HPSE2: variants seen among roughly 807,000 people sequenced by gnomAD.
HPSE2 encodes the protein heparanase 2 (inactive), also known as inactive heparanase-2.
In HPSE2, 38 loss-of-function variants were observed where a neutral mutation model predicts 60.5. The observed-to-expected ratio is 0.63, with a 90% confidence interval of 0.48 to 0.82. HPSE2 has a LOEUF of 0.82. Among genes scored for constraint, HPSE2 ranks in the 40% least tolerant of loss-of-function variants. HPSE2 has a pLI of 0.00. For synonymous variants in HPSE2, 295 were observed against 293.2 expected (o/e 1.01, Z -0.06); for missense variants, 713 against 740.4 (o/e 0.96, Z 0.43).
chr10:99,004,386 G>A (rs1404082837), intron 3 of HPSE2, among the ~76,000 whole-genome samples: 1 of 151,526 alleles, frequency 6.6e-6, no homozygotes, highest in African/African-American at 2.4e-5. Flanking sequence ...TTCTCTAGAA[G>A]TATGCTTTAC....
chr10:98,616,046 T>C (rs1477628404), intron 8 of HPSE2, among the ~76,000 whole-genome samples: 1 of 152,184 alleles, frequency 6.6e-6, no homozygotes, highest in Admixed American at 6.5e-5. Flanking sequence ...CAAGTCCTTA[T>C]ACATGTTTTA....
intron 2 of HPSE2, among the ~76,000 whole-genome samples, chr10:99,218,043 G>T (rs1367485753): frequency 6.6e-6 from 1 of 152,010 alleles, no homozygotes. Context: ...AAAGCTCTTG[G>T]TCCAGTACTT....
chr10:98,595,061 T>G (rs1248858972), intron 9 of HPSE2, among the ~76,000 whole-genome samples: 1 of 152,196 alleles, frequency 6.6e-6, no homozygotes, highest in Non-Finnish European at 1.5e-5. Flanking sequence ...ATTTGTGTCT[T>G]CTTCAATTTT....
At chr10:99,236,188 G>T (rs905413596), upstream of HPSE2, among the ~76,000 whole-genome samples, 1 of 151,662 alleles carries the variant, frequency 6.6e-6, no homozygotes, top group Non-Finnish European at 1.5e-5. Flanking sequence ...GGAGCAGGCG[G>T]GAAGGAGGAG....
rs561376611 is a variant in HPSE2, at chr10:98,603,450, T to G, written c.1320+11454A>C. Reference sequence around the variant, plus strand: ...CACTCTGTTTTTTTGTTTTTTTTTTTGACAGAGTCTTGCTCTGTCGCCAGG... The same window carrying G: ...CACTCTGTTTTTTTGTTTTTTTTTTGGACAGAGTCTTGCTCTGTCGCCAGG... On this transcript the variant is annotated intron_variant, in intron 9 of 11. Transcript: ENST00000370552. 6.5e-4 allele frequency among the ~76,000 whole-genome samples: 99 copies of G among 151,252 alleles called. 1 individual carries two copies. Among genetic ancestry groups the G allele is most frequent in the African/African-American group, 2.3e-3 (96 of 41,312 alleles).
chr10:98,842,788 C>G (rs7082605), intron 3 of HPSE2, among the ~76,000 whole-genome samples: 21,578 of 152,154 alleles, frequency 0.14, 2,154 homozygotes, highest in African/African-American at 0.27. Context: ...TAATGACATG[C>G]ATCTACTATT....
At chr10:99,060,112 C>T (rs188513205) in intron 3 of HPSE2, among the ~76,000 whole-genome samples, 21 of 151,376 alleles carry the variant, frequency 1.4e-4, no homozygotes, top group African/African-American at 3.9e-4. Flanking sequence ...AAAAAGAGGA[C>T]AATCATTTAA....
At chr10:99,255,512 A>G in the HPSE2 span, among the ~76,000 whole-genome samples, 6 of 152,022 alleles carry the variant, frequency 3.9e-5, no homozygotes, top group Non-Finnish European at 7.4e-5. Flanking sequence ...AAGCATAAAT[A>G]TAACTCAACA....
chr10:98,642,451 G>A lies in HPSE2; in HGVS notation c.1005-511C>T, dbSNP rs183453035. ...GAGTCTCCAGCTCATTCCTGTGGGC[G>A]AACACTCTGTAGTCAACCTACTACC... On this transcript the variant is annotated intron_variant, in intron 6 of 11. Coordinates refer to ENST00000370552, the MANE Select transcript of HPSE2 (RefSeq NM_021828.5). Among the ~76,000 whole-genome samples, 49 of 152,240 alleles carry A rather than the reference G, an allele frequency of 3.2e-4. No individual in the cohort carries two copies. In the East Asian group the frequency reaches 3.7e-3, roughly 11 times the overall value.
intron 3 of HPSE2, among the ~76,000 whole-genome samples, chr10:99,014,882 C>T (rs1030456260): frequency 2.6e-5 from 4 of 152,050 alleles, no homozygotes; most frequent in Non-Finnish European, 5.9e-5. Context: ...GAGCGAACAG[C>T]CAACCTACAG....
chr10:99,302,358 C>G, the HPSE2 span, among the ~76,000 whole-genome samples: 1 of 144,834 alleles, frequency 6.9e-6, no homozygotes, highest in Non-Finnish European at 1.6e-5. Flanking sequence ...GATCCTGGAA[C>G]TTTTAGATGC....
chr10:98,858,454 A>G lies in HPSE2; in HGVS notation c.611-114398T>C, dbSNP rs367999584. Among the ~76,000 whole-genome samples, 119 of 152,330 alleles carry G rather than the reference A, an allele frequency of 7.8e-4. 1 individual carries two copies. The highest frequency in any genetic ancestry group is 2.7e-3 in the African/African-American group (113 of 41,586). ...ATTGGGCAATAGGAAATTCATTCCT[A>G]TATTTGGTAGGTTGACTTCCATGGT... On this transcript the variant is annotated intron_variant, in intron 3 of 11. Transcript: ENST00000370552.
chr10:98,964,394 TAAC>T (rs1360050675), intron 3 of HPSE2, among the ~76,000 whole-genome samples: 1 of 152,178 alleles, frequency 6.6e-6, no homozygotes. Context: ...ACCTAGCTAA[TAAC>T]AACAGTAATT....
Position 98,696,006 on chromosome 10 carries a change from T to A in HPSE2, c.957-2059A>T, listed in dbSNP as rs575021469. 2.0e-5 allele frequency among the ~76,000 whole-genome samples: 3 copies of A among 152,206 alleles called. No homozygotes were observed. In the East Asian group the frequency reaches 5.8e-4, roughly 29 times the overall value. On this transcript the variant is annotated intron_variant, in intron 5 of 11. Coordinates refer to ENST00000370552, the MANE Select transcript of HPSE2 (RefSeq NM_021828.5). ...TTCAAAATATTATCCCTGCCATCTA[T>A]GCCACTCTAAGCAGGGAAGATCTGA...
chr10:98,521,579 T>C (rs1942794117), intron 9 of HPSE2, among the ~76,000 whole-genome samples: 1 of 152,210 alleles, frequency 6.6e-6, no homozygotes, highest in African/African-American at 2.4e-5. Flanking sequence ...AGTGTGGCGA[T>C]TCCTCAAGGA....
chr10:99,083,977 T>C (rs1451887973), intron 3 of HPSE2, among the ~76,000 whole-genome samples: 1 of 147,672 alleles, frequency 6.8e-6, no homozygotes, highest in Non-Finnish European at 1.5e-5. Flanking sequence ...TTTTTTTTTT[T>C]TTTTTTTTTT....
chr10:99,069,212 C>G (rs538334424), intron 3 of HPSE2, among the ~76,000 whole-genome samples: 12 of 152,212 alleles, frequency 7.9e-5, no homozygotes, highest in Middle Eastern at 6.8e-3. Flanking sequence ...TTTCTTAAGG[C>G]TATCTGGGAA....
intron 9 of HPSE2, among the ~76,000 whole-genome samples, chr10:98,610,773 G>A (rs1945733387): frequency 6.6e-6 from 1 of 152,198 alleles, no homozygotes; most frequent in African/African-American, 2.4e-5. Context: ...AGAATGTCAA[G>A]CATGAAGCCA....
intron 7 of HPSE2, among the ~76,000 whole-genome samples, chr10:98,626,959 G>A (rs540521558): frequency 2.0e-5 from 3 of 152,160 alleles, no homozygotes; most frequent in African/African-American, 7.2e-5. Flanking sequence ...ATTTTTAGTA[G>A]AGATGGGGTT....
Sources: gnomAD v4.1 joint callset for allele counts (sites outside exome capture counted in the v4.1 genomes callset) on GRCh38, gnomAD v4.1.1 for gene constraint, MANE v1.5 for transcripts, NCBI Gene and HGNC (gene_info 2026-07-23, HGNC 2026-07-21) for gene names.